The following CAT variants were observed in gnomAD, a reference collection of about 807,000 sequenced individuals.
CAT encodes the protein catalase.
Under a neutral mutation model 59.0 loss-of-function variants are expected in CAT, and 43 were observed. The observed-to-expected ratio is 0.73, with a 90% confidence interval of 0.57 to 0.94. The LOEUF (loss-of-function observed/expected upper bound fraction) is 0.94, where lower values mean the gene tolerates loss of function less well. Among genes scored for constraint, CAT ranks in the 40% least tolerant of loss-of-function variants. The pLI, the probability that CAT is intolerant of heterozygous loss-of-function variation, is 0.00. For missense variants in CAT, 664 were observed against 682.9 expected, an observed-to-expected ratio of 0.97 and a Z score of 0.31; for synonymous variants, 218 against 230.9, an observed-to-expected ratio of 0.94 and a Z score of 0.51.
chr11:34,450,238 A>G (rs954650311), intron 2 of CAT, among the ~76,000 whole-genome samples: 4 of 152,180 alleles, frequency 2.6e-5, no homozygotes, highest in Non-Finnish European at 5.9e-5. Context: ...AGTTTAAATG[A>G]TGTACTTACT....
At chr11:34,455,099 C>G (rs976253104) in intron 6 of CAT, among the ~76,000 whole-genome samples, 6 of 152,194 alleles carry the variant, frequency 3.9e-5, no homozygotes, top group African/African-American at 1.4e-4. Flanking sequence ...AAAGGTATTG[C>G]AGTGTTATTG....
intron 1 of CAT, among the ~76,000 whole-genome samples, chr11:34,440,985 AAC>A (rs1590296956): frequency 2.0e-5 from 3 of 152,292 alleles, no homozygotes; most frequent in African/African-American, 7.2e-5. Flanking sequence ...CTGACTCCAA[AAC>A]ACATCTATAG....
chr11:34,461,534 G>T (rs1350459643), intron 9 of CAT, 145 bp downstream of exon 9: 3 of 879,940 alleles, frequency 3.4e-6, no homozygotes, highest in Non-Finnish European at 5.5e-6. Flanking sequence ...CTAACTGGGC[G>T]CTTTTTTGCC....
intron 9 of CAT, among the ~76,000 whole-genome samples, chr11:34,462,794 T>C (rs1470496293): frequency 6.6e-6 from 1 of 152,202 alleles, no homozygotes; most frequent in Non-Finnish European, 1.5e-5. Context: ...TGGTCAGTGC[T>C]TTAAAGACAA....
intron 9 of CAT, among the ~76,000 whole-genome samples, chr11:34,463,237 C>G (rs1219260493): frequency 3.3e-5 from 5 of 151,446 alleles, no homozygotes; most frequent in Non-Finnish European, 5.9e-5. Flanking sequence ...AATAAATATG[C>G]TAAAACGAAA....
At chr11:34,440,270 C>T (rs953531430) in intron 1 of CAT, among the ~76,000 whole-genome samples, 7 of 152,174 alleles carry the variant, frequency 4.6e-5, no homozygotes, top group Admixed American at 1.3e-4. Flanking sequence ...CCTCCAAGGG[C>T]CTGGAAAATC....
At chr11:34,439,841 T>C (rs1407732610) in intron 1 of CAT, among the ~76,000 whole-genome samples, 3 of 152,088 alleles carry the variant, frequency 2.0e-5, no homozygotes, top group Non-Finnish European at 4.4e-5. Flanking sequence ...TCCAGCGTGG[T>C]GAGGGCTCTA....
intron 8 of CAT, 193 bp downstream of exon 8, chr11:34,457,010 A>G: frequency 1.6e-6 from 1 of 616,250 alleles, no homozygotes; most frequent in African/African-American, 1.8e-5. Flanking sequence ...TGAGTAAACC[A>G]AGTATAAACA....
At chr11:34,452,039 T>C (rs763979891) in intron 3 of CAT, 38 bp from the exon 4 acceptor site, 1 of 1,613,106 alleles carries the variant, frequency 6.2e-7, no homozygotes, top group South Asian at 1.1e-5. Flanking sequence ...TGCAAAGTGC[T>C]GTGGCTTATG....
intron 1 of CAT, among the ~76,000 whole-genome samples, chr11:34,444,614 C>T (rs1299650081): frequency 6.6e-6 from 1 of 152,182 alleles, no homozygotes; most frequent in Non-Finnish European, 1.5e-5. Context: ...GAAAAGACGT[C>T]ATTATGACTC....
chr11:34,442,977 T>C (rs1437643652), intron 1 of CAT, among the ~76,000 whole-genome samples: 1 of 152,230 alleles, frequency 6.6e-6, no homozygotes, highest in African/African-American at 2.4e-5. Flanking sequence ...TTTCTTGTGA[T>C]GCGGCAATGG....
intron 8 of CAT, 101 bp downstream of exon 8, chr11:34,456,918 G>T (rs993689790): frequency 4.8e-6 from 6 of 1,258,518 alleles, no homozygotes; most frequent in Non-Finnish European, 5.7e-6. Flanking sequence ...GAATTAACAA[G>T]AACATTACTT....
chr11:34,450,301 G>A (rs1424692314), intron 2 of CAT, among the ~76,000 whole-genome samples: 2 of 152,162 alleles, frequency 1.3e-5, no homozygotes. Context: ...TTAGGGTGGT[G>A]GGTTTGTGAT....
At chr11:34,443,036 A>G (rs1375765088) in intron 1 of CAT, among the ~76,000 whole-genome samples, 2 of 152,196 alleles carry the variant, frequency 1.3e-5, no homozygotes, top group African/African-American at 4.8e-5. Flanking sequence ...TTACTTTCTG[A>G]CATTAAGATA....
chr11:34,466,390 C>A (rs916054735), intron 10 of CAT, among the ~76,000 whole-genome samples: 11 of 152,170 alleles, frequency 7.2e-5, no homozygotes, highest in South Asian at 2.1e-4. Flanking sequence ...GGAGAAAAAA[C>A]CCCCTACAAA....
At chr11:34,469,280 AC>A (rs1856750804) in intron 11 of CAT, among the ~76,000 whole-genome samples, 1 of 152,152 alleles carries the variant, frequency 6.6e-6, no homozygotes, top group Non-Finnish European at 1.5e-5. Context: ...AGAGAGCTTG[AC>A]AGGCGCTCTG....
At chr11:34,447,412 A>G (rs1237479139) in intron 1 of CAT, among the ~76,000 whole-genome samples, 1 of 151,988 alleles carries the variant, frequency 6.6e-6, no homozygotes, top group African/African-American at 2.4e-5. Context: ...GAAAGTAGAA[A>G]TTTTTTTTCT....
rs1856777447 is a variant in CAT, at chr11:34,471,868, G to A, written c.*435G>A. 1 of 201,172 alleles carries A rather than the reference G, an allele frequency of 5.0e-6. No individual in the cohort carries two copies. The highest frequency in any genetic ancestry group is 1.0e-5 in the Non-Finnish European group (1 of 96,544). 12.5% of individuals were successfully genotyped at this position (201,172 alleles called of 1,614,324 possible). A position where few individuals can be genotyped will look rare whatever the true frequency, so the allele number is the denominator to read the frequency against. On this transcript the variant is annotated 3_prime_UTR_variant, in exon 13 of 13. Transcript: ENST00000241052. ...TTTTTCTAAGGTTCTCATAGGAAAA[G>A]TACATTTAATACAGCAGTGTCATCA...
intron 9 of CAT, 61 bp downstream of exon 9, chr11:34,461,450 G>A (rs757638965): frequency 3.5e-5 from 55 of 1,591,370 alleles, no homozygotes; most frequent in East Asian, 6.7e-5. Context: ...GCAGATGGGC[G>A]GGAGGCCAGG....
Sources: allele counts gnomAD v4.1 joint callset (sites outside exome capture counted in the v4.1 genomes callset), GRCh38; gene constraint gnomAD v4.1.1; transcripts MANE v1.5; gene names NCBI Gene and HGNC (gene_info 2026-07-23, HGNC 2026-07-21).